Variants in STAU2 observed in about 807,000 individuals in gnomAD.
STAU2 encodes staufen double-stranded RNA binding protein 2.
Under a neutral mutation model 65.9 loss-of-function variants are expected in STAU2, and 20 were observed. That is an observed-to-expected ratio of 0.30 (90% CI 0.21 to 0.44). The LOEUF (loss-of-function observed/expected upper bound fraction) is 0.44. STAU2 is among the 20% of genes least tolerant of loss of function. The pLI is 1.00. For missense variants in STAU2, 558 were observed against 683.9 expected (o/e 0.82, Z 2.05); for synonymous variants, 232 against 233.9 (o/e 0.99, Z 0.07).
intron 13 of STAU2, among the ~76,000 whole-genome samples, chr8:73,463,569 G>T (rs367956528): frequency 6.6e-6 from 1 of 152,306 alleles, no homozygotes. Context: ...CAAGGCCTTA[G>T]TCTGATGCTC....
At chr8:73,581,407 C>T (rs1809972570) in intron 12 of STAU2, among the ~76,000 whole-genome samples, 4 of 152,126 alleles carry the variant, frequency 2.6e-5, no homozygotes. Context: ...AATGGAATTT[C>T]TGGCACGCCT....
At chr8:73,548,969 A>G (rs149637768) in intron 13 of STAU2, among the ~76,000 whole-genome samples, 100 of 152,360 alleles carry the variant, frequency 6.6e-4, no homozygotes, top group African/African-American at 2.3e-3. Flanking sequence ...AAAGATGTGA[A>G]AACTTAAAAT....
chr8:73,459,168 A>G (rs575346149), intron 13 of STAU2, among the ~76,000 whole-genome samples: 2 of 152,288 alleles, frequency 1.3e-5, no homozygotes, highest in East Asian at 3.9e-4. Flanking sequence ...CAAGGTTTTT[A>G]TATTACTAAG....
At chr8:73,539,164 T>C (rs1235146686) in intron 13 of STAU2, among the ~76,000 whole-genome samples, 1 of 152,222 alleles carries the variant, frequency 6.6e-6, no homozygotes, top group African/African-American at 2.4e-5. Context: ...TTCAGAGGAC[T>C]GTAAACAGAA....
intron 11 of STAU2, among the ~76,000 whole-genome samples, chr8:73,585,443 G>A (rs934093026): frequency 1.3e-5 from 2 of 152,366 alleles, no homozygotes; most frequent in African/African-American, 4.8e-5. Flanking sequence ...TCGTGCCATT[G>A]CACACCAGCC....
chr8:73,551,848 G>A (rs982310388), intron 13 of STAU2, 164 bp downstream of exon 13: 3 of 1,293,538 alleles, frequency 2.3e-6, no homozygotes, highest in Non-Finnish European at 2.9e-6. Flanking sequence ...AATGAGGCAT[G>A]TGCATATGGC....
chr8:73,438,541 G>C (rs1817882283), intron 13 of STAU2, among the ~76,000 whole-genome samples: 1 of 152,234 alleles, frequency 6.6e-6, no homozygotes. Context: ...GTCCCAGGCA[G>C]TTTCAAAGCT....
At position 73,550,766 on chromosome 8, in the gene STAU2, G is replaced by C. The variant is rs376123947; in HGVS notation, c.1530+1246C>G. ...ATGACAGAGCCGATAACTGGTAACA[G>C]CTTCTTGAAGTTCATATTAAGAGTC... On this transcript the variant is annotated intron_variant, in intron 13 of 14. Coordinates refer to ENST00000524300, the MANE Select transcript of STAU2 (RefSeq NM_001164380.2). The C allele has an allele frequency of 3.4e-4, 340 of 987,350 alleles. No individual in the cohort carries two copies. In the African/African-American group the frequency reaches 5.6e-3, roughly 16 times the overall value. The allele number at this position is 987,350 out of a possible 1,614,324, so 61.2% of individuals were successfully genotyped here.
intron 13 of STAU2, among the ~76,000 whole-genome samples, chr8:73,485,426 TC>T (rs1394351042): frequency 1.3e-5 from 2 of 151,986 alleles, no homozygotes; most frequent in Non-Finnish European, 2.9e-5. Context: ...AAGTTTACAA[TC>T]CAATTACCAA....
intron 13 of STAU2, among the ~76,000 whole-genome samples, chr8:73,507,836 C>G (rs1005661848): frequency 6.6e-6 from 1 of 152,224 alleles, no homozygotes; most frequent in Non-Finnish European, 1.5e-5. Context: ...TCTACATCAG[C>G]ATTTGCTGCT....
At chr8:73,429,664 C>T (rs1193869389) in intron 13 of STAU2, among the ~76,000 whole-genome samples, 1 of 151,670 alleles carries the variant, frequency 6.6e-6, no homozygotes, top group Non-Finnish European at 1.5e-5. Flanking sequence ...CTCAAACTCC[C>T]AAGCTCAAGC....
At chr8:73,439,158 C>T (rs1001810485) in intron 13 of STAU2, 2 of 404,324 alleles carry the variant, frequency 4.9e-6, no homozygotes, top group Admixed American at 5.3e-5. Context: ...AGTGTAGCAT[C>T]TGTTAACACC....
At chr8:73,571,280 C>G (rs1422467073) in intron 12 of STAU2, among the ~76,000 whole-genome samples, 2 of 152,164 alleles carry the variant, frequency 1.3e-5, no homozygotes, top group African/African-American at 4.8e-5. Flanking sequence ...GACTTAGACT[C>G]CCACACAATA....
At chr8:73,507,845 C>T (rs1822159192) in intron 13 of STAU2, among the ~76,000 whole-genome samples, 1 of 152,240 alleles carries the variant, frequency 6.6e-6, no homozygotes, top group African/African-American at 2.4e-5. Context: ...GCATTTGCTG[C>T]TTCCCCTTAC....
At chr8:73,464,593 TGCACGC>T (rs1484241757) in intron 13 of STAU2, among the ~76,000 whole-genome samples, 2 of 133,850 alleles carry the variant, frequency 1.5e-5, no homozygotes, top group Non-Finnish European at 3.1e-5. Context: ...CGTGCATGTG[TGCACGC>T]GCACACACAC....
At chr8:73,519,856 A>T (rs1276524709) in intron 13 of STAU2, among the ~76,000 whole-genome samples, 1 of 152,238 alleles carries the variant, frequency 6.6e-6, no homozygotes, top group Admixed American at 6.5e-5. Context: ...CCAGTGGGGT[A>T]GACCAACATG....
At chr8:73,433,894 C>G (rs1041445960) in intron 13 of STAU2, among the ~76,000 whole-genome samples, 2 of 151,796 alleles carry the variant, frequency 1.3e-5, no homozygotes, top group African/African-American at 4.9e-5. Flanking sequence ...TGCTGAGGCA[C>G]GAGTCCACAC....
intron 13 of STAU2, among the ~76,000 whole-genome samples, chr8:73,531,660 CA>C (rs1805830060): frequency 6.6e-6 from 1 of 151,988 alleles, no homozygotes; most frequent in Admixed American, 6.6e-5. Flanking sequence ...ATGTAAATGA[CA>C]TTTTGAAATT....
chr8:73,719,575 T>C (rs919792792), intron 3 of STAU2, among the ~76,000 whole-genome samples: 1 of 152,254 alleles, frequency 6.6e-6, no homozygotes, highest in African/African-American at 2.4e-5. Flanking sequence ...GAGATGATCA[T>C]GTGATTTTTG....
Sources: allele counts gnomAD v4.1 joint callset (sites outside exome capture counted in the v4.1 genomes callset), GRCh38; gene constraint gnomAD v4.1.1; transcripts MANE v1.5; gene names NCBI Gene and HGNC (gene_info 2026-07-23, HGNC 2026-07-21).